UNC13D: variants seen among roughly 807,000 people sequenced by gnomAD.
The protein encoded by UNC13D is unc-13 homolog D.
In UNC13D, 115 loss-of-function variants were observed where a neutral mutation model predicts 151.7. The ratio of observed to expected loss-of-function variants is 0.76; its 90% CI spans 0.65 to 0.88. The LOEUF (loss-of-function observed/expected upper bound fraction) is 0.88. Among genes scored for constraint, UNC13D ranks in the 40% least tolerant of loss-of-function variants. The pLI is 0.00. For missense variants in UNC13D, 1,369 were observed against 1,438.7 expected, an observed-to-expected ratio of 0.95 and a Z score of 0.78; for synonymous variants, 588 against 612.2, an observed-to-expected ratio of 0.96 and a Z score of 0.58.
chr17:75,839,776 G>C, intron 12 of UNC13D, 63 bp downstream of exon 12: 2 of 1,546,008 alleles, frequency 1.3e-6, no homozygotes, highest in Non-Finnish European at 8.9e-7. Context: ...TACCGGCTTG[G>C]AGGAGGGCAG....
rs2064935254 is a variant in UNC13D at position 75,839,905 on chromosome 17, TG to T, written c.988del (p.Gln330ArgfsTer74). On this transcript the variant is annotated frameshift_variant, in exon 12 of 32. Coordinates refer to ENST00000207549, the MANE Select transcript of UNC13D (RefSeq NM_199242.3). LOFTEE classifies it high-confidence loss of function. ...GTGCAGAAAGAGGACGGTGGCAGCC[TG>T]GGGACTCAGCGACCCGTCCCAGGAG... Reference protein sequence around the residue: ...STSWDGSLSPQAATVLFLHAT... With the variant: ...STSWDGSLSPXAATVLFLHAT... The T allele has an allele frequency of 6.2e-7, 1 of 1,613,778 alleles. No homozygotes were observed. The highest frequency in any genetic ancestry group is 8.5e-7 in the Non-Finnish European group (1 of 1,179,984).
intron 6 of UNC13D, 24 bp downstream of exon 6, chr17:75,842,409 G>C (rs1029362099): frequency 3.7e-6 from 6 of 1,602,314 alleles, no homozygotes; most frequent in East Asian, 2.2e-5. Context: ...TGGATAGAGT[G>C]GGGGCTGGAG....
chr17:75,829,196 C>G (rs950192520), intron 30 of UNC13D, among the ~76,000 whole-genome samples: 1 of 152,238 alleles, frequency 6.6e-6, no homozygotes, highest in African/African-American at 2.4e-5. Flanking sequence ...TTCACCTGTG[C>G]TGAGGAACTA....
Position 75,837,028 on chromosome 17 carries a change from A to C in UNC13D, c.1056-110T>G, listed in dbSNP as rs540637361. 162 of 503,808 alleles carry C rather than the reference A, an allele frequency of 3.2e-4. No homozygotes were observed. In the South Asian group the frequency reaches 4.3e-3, roughly 13 times the overall value. The allele number at this position is 503,808 out of a possible 1,614,324, so 31.2% of individuals were successfully genotyped here. A position where few individuals can be genotyped will look rare whatever the true frequency, so the allele number is the denominator to read the frequency against. On this transcript the variant is annotated intron_variant, in intron 12 of 31. Transcript: ENST00000207549. Reference sequence around the variant, plus strand: ...CCTCCCATCCACCAGTACAGGCTGAAAACTAGTGGCTCAACAGGACATGCA... The same window carrying C: ...CCTCCCATCCACCAGTACAGGCTGACAACTAGTGGCTCAACAGGACATGCA...
At position 75,833,969 on chromosome 17, in the gene UNC13D, C is replaced by G; in HGVS notation, c.2367+106G>C. On this transcript the variant is annotated intron_variant, in intron 24 of 31. Coordinates refer to ENST00000207549, the MANE Select transcript of UNC13D (RefSeq NM_199242.3). This position sits in a 1 kb window ranked among gnomAD's most constrained non-coding sequence, Gnocchi z 4.0. ...AACTGAGGCCCAGGGAGAGAACATG[C>G]TTTGCCTGGTCTGGGGGACTTATCT... 2.8e-6 allele frequency: 4 copies of G among 1,433,120 alleles called. No individual in the cohort carries two copies. Among genetic ancestry groups the G allele is most frequent in the Non-Finnish European group, 2.9e-6 (3 of 1,024,240 alleles). The allele number at this position is 1,433,120 out of a possible 1,614,324, so 88.8% of individuals were successfully genotyped here.
In UNC13D at chr17:75,836,641, A is replaced by G. The variant is rs2143882443; in HGVS notation, c.1229T>C (p.Ile410Thr). 6.2e-7 allele frequency: 1 copy of G among 1,613,772 alleles called. No homozygotes were observed. The highest frequency in any genetic ancestry group is 8.5e-7 in the Non-Finnish European group (1 of 1,180,014). Residue 410 changes from isoleucine (I) to threonine (T), a missense_variant, in exon 14 of 32, where the codon ATC (isoleucine) becomes ACC (threonine). Physicochemically the swap from Ile to Thr is moderately conservative, Grantham distance 89. Around this residue, in one of 3 missense-constraint regions of UNC13D, gnomAD observed 550 missense variants for 609.0 expected, o/e 0.90. Transcript: ENST00000207549. The stretch of plus-strand genomic sequence containing the variant: ...GGGGAAGACAGAGCGGAACCTCCGG[A>G]TGAGGGAGAGGCCGTAGGTCAGCAG... ...SSLLTYGLSL[I>T]RRFRSVFPLS...
At chr17:75,830,797 G>A in intron 27 of UNC13D, 136 bp from the exon 28 acceptor site, 3 of 1,149,102 alleles carry the variant, frequency 2.6e-6, no homozygotes, top group Non-Finnish European at 3.8e-6. Flanking sequence ...ACAACGGGCT[G>A]GGGCCACCCT....
chr17:75,830,065 T>C lies in UNC13D; in HGVS notation c.2917A>G (p.Lys973Glu), dbSNP rs373478612. Residue 973 changes from lysine (K) to glutamate (E), a missense_variant, in exon 30 of 32, where the codon AAG (lysine) becomes GAG (glutamate). Lys to Glu is a moderately conservative substitution (Grantham distance 56, BLOSUM62 1). This residue lies in a region of UNC13D where 807 missense variants were observed against 795.5 expected (regional missense o/e 1.01). Transcript: ENST00000207549. The part of the protein sequence containing the change: ...LAARETQKHK[K>E]DLHPLFDETF... ...TCATCAAACAATGGGTGAAGGTCCT[T>C]CTTGTGCTTCTGGGTCTCCCGGGCG... The C allele has an allele frequency of 3.1e-5, 49 of 1,577,098 alleles. No homozygotes were observed. Among genetic ancestry groups the C allele is most frequent in the Admixed American group, 3.0e-4 (16 of 53,670 alleles).
At chr17:75,836,475 C>A (rs751640977) in intron 14 of UNC13D, 46 bp from the exon 15 acceptor site, 8 of 1,612,228 alleles carry the variant, frequency 5.0e-6, no homozygotes, top group Non-Finnish European at 6.8e-6. Context: ...CTGCCCCACA[C>A]TGCACTCACT....
intron 12 of UNC13D, among the ~76,000 whole-genome samples, chr17:75,838,328 C>T (rs1330398054): frequency 6.6e-5 from 10 of 151,854 alleles, no homozygotes; most frequent in Non-Finnish European, 1.2e-4. Context: ...AAGTGATTCT[C>T]GTGCCTCACC....
rs750047623 is a variant in UNC13D at position 75,834,651 on chromosome 17, TG to T, written c.2057del (p.Ser686Ter). On this transcript the variant is annotated frameshift_variant, in exon 22 of 32. Transcript: ENST00000207549. LOFTEE classifies it high-confidence loss of function. ...CTGCCTGGCCTTGGTCCTTCTGGCCTGAAGAGAGCTCGCGGGCCCGGGCCTT... is the reference window on the plus strand; with the variant it reads ...CTGCCTGGCCTTGGTCCTTCTGGCCTAAGAGAGCTCGCGGGCCCGGGCCTT... ...LIKARARELS[S>X]GQKDQGQAAN... is the part of the protein sequence containing the mutation. 1 of 1,613,710 alleles carries T rather than the reference TG, an allele frequency of 6.2e-7. No individual in the cohort carries two copies. The highest frequency in any genetic ancestry group is 8.5e-7 in the Non-Finnish European group (1 of 1,180,002).
intron 6 of UNC13D, among the ~76,000 whole-genome samples, chr17:75,841,510 C>T (rs747565529): frequency 5.1e-5 from 7 of 136,766 alleles, no homozygotes; most frequent in South Asian, 2.4e-4. Context: ...GGCGTGATCT[C>T]GGCTCACTGC....
chr17:75,840,676 C>T lies in UNC13D; in HGVS notation c.683+86G>A, dbSNP rs1221208950. 1.2e-6 allele frequency: 2 copies of T among 1,609,714 alleles called. No homozygotes were observed. The highest frequency in any genetic ancestry group is 1.7e-6 in the Non-Finnish European group (2 of 1,176,450). On this transcript the variant is annotated intron_variant, in intron 8 of 31. Transcript: ENST00000207549. This position sits in a 1 kb window ranked among gnomAD's most constrained non-coding sequence, Gnocchi z 4.6. Reference sequence around the variant, plus strand: ...GCAGCCACCTGGACCCCAAAGGAGCCTGCACCCCAGCATCCAGTGTGCATG... The same window carrying T: ...GCAGCCACCTGGACCCCAAAGGAGCTTGCACCCCAGCATCCAGTGTGCATG...
Position 75,827,589 on chromosome 17 carries a change from A to G in UNC13D, c.*376T>C. On this transcript the variant is annotated 3_prime_UTR_variant, in exon 32 of 32. Coordinates refer to ENST00000207549, the MANE Select transcript of UNC13D (RefSeq NM_199242.3). ...CCTGGTCCCAGTGAACCTGGCCCCC[A>G]CCCCAGTGGCTGGAACAGGAAGGCC... 1 of 1,533,058 alleles carries G rather than the reference A, an allele frequency of 6.5e-7. No individual in the cohort carries two copies. The highest frequency in any genetic ancestry group is 2.4e-5 in the East Asian group (1 of 40,900). The allele number at this position is 1,533,058 out of a possible 1,614,324, so 95.0% of individuals were successfully genotyped here. A position where few individuals can be genotyped will look rare whatever the true frequency, so the allele number is the denominator to read the frequency against.
At position 75,831,338 on chromosome 17, in the gene UNC13D, G is replaced by A; in HGVS notation, c.2458C>T (p.Leu820=). ...VQENFSSLLT[L]LWTHTLTVLV... is the part of the protein sequence containing the mutation. ...ACTGTGAGTGTGTGGGTCCAGAGCAGGGTCAGGAGGCTGGGGCGGGGCCGG... is the reference window on the plus strand; with the variant it reads ...ACTGTGAGTGTGTGGGTCCAGAGCAAGGTCAGGAGGCTGGGGCGGGGCCGG... Residue 820 remains leucine, a synonymous_variant, in exon 26 of 32, where the codon CTG becomes TTG. Transcript: ENST00000207549. 6.2e-7 allele frequency: 1 copy of A among 1,604,534 alleles called. No individual in the cohort carries two copies. The highest frequency in any genetic ancestry group is 1.1e-5 in the South Asian group (1 of 90,972).
Position 75,840,747 on chromosome 17 carries a change from C to A in UNC13D, c.683+15G>T. On this transcript the variant is annotated intron_variant, in intron 8 of 31. Coordinates refer to ENST00000207549, the MANE Select transcript of UNC13D (RefSeq NM_199242.3). This position sits in a 1 kb window ranked among gnomAD's most constrained non-coding sequence, Gnocchi z 4.6. ...GGAGCCCCAACCCCTTCCCTGTGAG[C>A]CCTGCAACACGAACCTGCGAAGCCC... is the stretch of plus-strand genomic sequence containing the variant. 6.2e-7 allele frequency: 1 copy of A among 1,613,914 alleles called. No homozygotes were observed. Among genetic ancestry groups the A allele is most frequent in the Non-Finnish European group, 8.5e-7 (1 of 1,180,036 alleles).
Position 75,830,609 on chromosome 17 carries a change from C to T in UNC13D, c.2678G>A (p.Arg893Gln), listed in dbSNP as rs759502435. ...CTGGATTCGGCTGCAGAAGTACTTC[C>T]GGATGAGTTCCCGGCTGGAGGCCGC... ...LQAASSRELI[R>Q]KYFCSRIQQQ... Residue 893 changes from arginine (R) to glutamine (Q), a missense_variant, in exon 28 of 32, where the codon CGG becomes CAG. Arg to Gln is a conservative substitution (Grantham distance 43, BLOSUM62 1). Transcript: ENST00000207549. 9.6e-6 allele frequency: 15 copies of T among 1,559,072 alleles called. No individual in the cohort carries two copies. Among genetic ancestry groups the T allele is most frequent in the Admixed American group, 3.8e-5 (2 of 52,032 alleles).
intron 21 of UNC13D, 70 bp from the exon 22 acceptor site, chr17:75,834,786 T>C: frequency 6.2e-7 from 1 of 1,607,064 alleles, no homozygotes; most frequent in East Asian, 2.2e-5. Flanking sequence ...TGGGAGGGCA[T>C]GGGAATTTCA....
At chr17:75,835,561 G>T in intron 19 of UNC13D, 32 bp from the exon 20 acceptor site, 1 of 1,604,602 alleles carries the variant, frequency 6.2e-7, no homozygotes, top group South Asian at 1.1e-5. Flanking sequence ...CGTCGGGAAG[G>T]CTGGGGCCAC....
Sources: gnomAD v4.1 joint callset for allele counts (sites outside exome capture counted in the v4.1 genomes callset) on GRCh38, gnomAD v4.1.1 for gene constraint, gnomAD v4.1.1 regional missense constraint, Gnocchi (gnomAD v3.1) non-coding constraint, MANE v1.5 for transcripts, NCBI Gene and HGNC (gene_info 2026-07-23, HGNC 2026-07-21) for gene names.